The following ADCY8 variants were observed in gnomAD, a reference collection of about 807,000 sequenced individuals.
ADCY8 encodes adenylate cyclase type 8.
In ADCY8, 51 loss-of-function variants were observed where a neutral mutation model predicts 119.7. The ratio of observed to expected loss-of-function variants is 0.43; its 90% CI spans 0.34 to 0.54. ADCY8 has a LOEUF of 0.54. Ranked by LOEUF, ADCY8 falls within the 20% of genes least tolerant of loss-of-function variation. The pLI is 0.03. For synonymous variants in ADCY8, 665 were observed against 651.0 expected, an observed-to-expected ratio of 1.02 and a Z score of -0.33; for missense variants, 1,383 against 1,598.8, an observed-to-expected ratio of 0.87 and a Z score of 2.30.
In ADCY8 at chr8:130,959,285, T is replaced by C. The variant is rs532940117; in HGVS notation, c.1111-7287A>G. ...TACCTTTGATTTAGTAATTACAATGTTGACTTTGCCACCAGAAATGTTCAT... is the reference window on the plus strand; with the variant it reads ...TACCTTTGATTTAGTAATTACAATGCTGACTTTGCCACCAGAAATGTTCAT... On this transcript the variant is annotated intron_variant, in intron 2 of 17. Transcript: ENST00000286355. Among the ~76,000 whole-genome samples, 7 of 152,356 alleles carry C rather than the reference T, an allele frequency of 4.6e-5. No homozygotes were observed. In the East Asian group the frequency reaches 1.2e-3, roughly 25 times the overall value.
At chr8:130,795,376 A>G (rs1279648643) in intron 15 of ADCY8, among the ~76,000 whole-genome samples, 3 of 152,254 alleles carry the variant, frequency 2.0e-5, no homozygotes, top group African/African-American at 7.2e-5. Flanking sequence ...ATTAAGACAC[A>G]CATGAGAGCA....
At chr8:130,992,522 C>T (rs1184222593) in intron 1 of ADCY8, among the ~76,000 whole-genome samples, 20 of 150,560 alleles carry the variant, frequency 1.3e-4, no homozygotes, top group Admixed American at 1.3e-3. Flanking sequence ...TCAAGCAATT[C>T]TCCTGCCTCA....
At chr8:130,824,484 T>C (rs263264) in intron 12 of ADCY8, among the ~76,000 whole-genome samples, 32,221 of 152,144 alleles carry the variant, frequency 0.21, 4,272 homozygotes, top group South Asian at 0.43. Flanking sequence ...TACCTACTTA[T>C]AATTGCTTGC....
At chr8:130,870,018 C>CCTTT (rs1554610130) in intron 8 of ADCY8, among the ~76,000 whole-genome samples, 3 of 115,876 alleles carry the variant, frequency 2.6e-5, no homozygotes, top group Non-Finnish European at 1.8e-5. Context: ...CTTTCTTCTT[C>CCTTT]TTTTTTTTTT....
Position 130,951,717 on chromosome 8 carries a change from C to T in ADCY8, c.1241+151G>A, listed in dbSNP as rs76140553. The T allele has an allele frequency of 3.9e-4, 365 of 926,788 alleles. No individual in the cohort carries two copies. In the African/African-American group the frequency reaches 5.8e-3, roughly 15 times the overall value. The allele number at this position is 926,788 out of a possible 1,614,324, so 57.4% of individuals were successfully genotyped here. A position where few individuals can be genotyped will look rare whatever the true frequency, so the allele number is the denominator to read the frequency against. Reference sequence around the variant, plus strand: ...AGCCTTAATTTGGAAATGTAGAACTCTCTGATGAATAATCACTAGGTAATG... The same window carrying T: ...AGCCTTAATTTGGAAATGTAGAACTTTCTGATGAATAATCACTAGGTAATG... On this transcript the variant is annotated intron_variant, in intron 3 of 17. Transcript: ENST00000286355.
Position 130,867,952 on chromosome 8 carries a change from A to G in ADCY8, c.2110-6T>C, listed in dbSNP as rs1586504877. 12 of 1,596,778 alleles carry G rather than the reference A, an allele frequency of 7.5e-6. No homozygotes were observed. Among genetic ancestry groups the G allele is most frequent in the Non-Finnish European group, 1.0e-5 (12 of 1,167,458 alleles). On this transcript the variant is annotated splice_region_variant and splice_polypyrimidine_tract_variant and intron_variant, in intron 8 of 17. Coordinates refer to ENST00000286355, the MANE Select transcript of ADCY8 (RefSeq NM_001115.3). ...TCATCCCTCATTTGAGAATACTGTA[A>G]TTAAAAAAAGAGAGAATGAGTTACT...
intron 15 of ADCY8, among the ~76,000 whole-genome samples, chr8:130,785,922 C>A (rs1385694428): frequency 6.6e-6 from 1 of 152,216 alleles, no homozygotes; most frequent in Non-Finnish European, 1.5e-5. Flanking sequence ...CAAGCTCAGC[C>A]TGCTTTGGCC....
intron 9 of ADCY8, among the ~76,000 whole-genome samples, chr8:130,854,950 T>C (rs1586486898): frequency 1.4e-5 from 2 of 143,282 alleles, no homozygotes; most frequent in African/African-American, 2.6e-5. Flanking sequence ...TCTTTCTGTG[T>C]CTTTGTCTCT....
chr8:130,870,887 A>C (rs1218233787), intron 8 of ADCY8, among the ~76,000 whole-genome samples: 1 of 152,250 alleles, frequency 6.6e-6, no homozygotes, highest in East Asian at 1.9e-4. Context: ...TTTGAACCTC[A>C]CTTTTCTTAT....
At position 130,878,254 on chromosome 8, in the gene ADCY8, C is replaced by T. The variant is rs72714413; in HGVS notation, c.2109+6310G>A. ...TGGTGAGCGAAATGAGGATTTTATACGTGTGTGTGTGTATCCATTTGAGTG... is the reference window on the plus strand; with the variant it reads ...TGGTGAGCGAAATGAGGATTTTATATGTGTGTGTGTGTATCCATTTGAGTG... On this transcript the variant is annotated intron_variant, in intron 8 of 17. Transcript: ENST00000286355. Among the ~76,000 whole-genome samples the T allele has an allele frequency of 6.7e-3, 1,026 of 152,102 alleles. 5 individuals are homozygous for T. The highest frequency in any genetic ancestry group is 0.01 in the Non-Finnish European group (702 of 67,978).
chr8:130,830,828 C>T lies in ADCY8; in HGVS notation c.2675+5449G>A, dbSNP rs144276943. On this transcript the variant is annotated intron_variant, in intron 12 of 17. Coordinates refer to ENST00000286355, the MANE Select transcript of ADCY8 (RefSeq NM_001115.3). ...CCTCCCTGAATTAAAAACATGCCCA[C>T]TGATGAGTGGAAACAGGTGCCAGAA... Among the ~76,000 whole-genome samples the T allele has an allele frequency of 4.5e-3, 685 of 152,350 alleles. 3 individuals are homozygous for T. The highest frequency in any genetic ancestry group is 7.3e-3 in the Non-Finnish European group (498 of 68,032).
At chr8:130,842,516 A>T (rs570039847) in intron 11 of ADCY8, among the ~76,000 whole-genome samples, 7 of 151,970 alleles carry the variant, frequency 4.6e-5, no homozygotes, top group Admixed American at 4.6e-4. Context: ...TTGCTATGTT[A>T]TCAGTTTCAC....
In ADCY8 at chr8:130,814,146, G is replaced by A. The variant is rs138671740; in HGVS notation, c.2836C>T (p.His946Tyr). 1.7e-5 allele frequency: 27 copies of A among 1,614,004 alleles called. No homozygotes were observed. Among genetic ancestry groups the A allele is most frequent in the Non-Finnish European group, 2.2e-5 (26 of 1,180,044 alleles). ...ATATTCCGGAGCATGTTCTCATTGT[G>A]TTCCCTCAGCTCCTTCATCTCATTG... is the stretch of plus-strand genomic sequence containing the variant. ...EINEMKELRE[H>Y]NENMLRNILP... is the part of the protein sequence containing the mutation. Residue 946 changes from histidine (H) to tyrosine (Y), a missense_variant, in exon 14 of 18, where the codon CAC becomes TAC. By Grantham distance (83) the His-to-Tyr change is moderately conservative (BLOSUM62 2). Around this residue, in one of 2 missense-constraint regions of ADCY8, gnomAD observed 928 missense variants for 1,163.5 expected, o/e 0.80. Coordinates refer to ENST00000286355, the MANE Select transcript of ADCY8 (RefSeq NM_001115.3).
rs952794013 is a variant in ADCY8 at position 130,991,517 on chromosome 8, A to G, written c.961-975T>C. Reference sequence around the variant, plus strand: ...AGTTAAGGATAAAATAACTGAACTGATATTTGAACTGCAGTCCAAAAGACA... The same window carrying G: ...AGTTAAGGATAAAATAACTGAACTGGTATTTGAACTGCAGTCCAAAAGACA... On this transcript the variant is annotated intron_variant, in intron 1 of 17. Coordinates refer to ENST00000286355, the MANE Select transcript of ADCY8 (RefSeq NM_001115.3). Among the ~76,000 whole-genome samples, 4 of 152,230 alleles carry G rather than the reference A, an allele frequency of 2.6e-5. 1 individual carries two copies. Among genetic ancestry groups the G allele is most frequent in the Admixed American group, 2.0e-4 (3 of 15,280 alleles).
chr8:130,783,736 G>A lies in ADCY8; in HGVS notation c.3223C>T (p.Gln1075Ter). 6.2e-7 allele frequency: 1 copy of A among 1,613,862 alleles called. No homozygotes were observed. The highest frequency in any genetic ancestry group is 8.5e-7 in the Non-Finnish European group (1 of 1,179,846). Residue 1075 changes from glutamine to a stop codon, truncating the protein, a stop_gained, in exon 17 of 18, where the codon CAG becomes TAG. Transcript: ENST00000286355. LOFTEE classifies it high-confidence loss of function. Reference sequence around the variant, plus strand: ...TTGAATGAATGCTTGTTGATCTCCTGTATGCTTTCTGTCAGGGCGAGTGAG... The same window carrying A: ...TTGAATGAATGCTTGTTGATCTCCTATATGCTTTCTGTCAGGGCGAGTGAG... ...DFSLALTESI[Q>*]EINKHSFNNF...
intron 11 of ADCY8, among the ~76,000 whole-genome samples, chr8:130,839,721 C>T (rs1188125310): frequency 1.4e-5 from 2 of 139,814 alleles, no homozygotes; most frequent in Non-Finnish European, 3.2e-5. Flanking sequence ...GCCCACAGCT[C>T]CTAAAGTGTC....
intron 8 of ADCY8, among the ~76,000 whole-genome samples, chr8:130,873,832 G>C (rs1248084510): frequency 4.6e-5 from 7 of 151,980 alleles, no homozygotes; most frequent in Non-Finnish European, 1.0e-4. Flanking sequence ...GATAAATTTA[G>C]TTTGATTAAA....
At chr8:130,789,790 T>G (rs1815367166) in intron 15 of ADCY8, among the ~76,000 whole-genome samples, 1 of 152,162 alleles carries the variant, frequency 6.6e-6, no homozygotes, top group South Asian at 2.1e-4. Context: ...GCAGTGATTT[T>G]CAAAGTGTGG....
At chr8:130,782,150 C>A (rs978793464) in intron 17 of ADCY8, among the ~76,000 whole-genome samples, 1 of 151,876 alleles carries the variant, frequency 6.6e-6, no homozygotes, top group Non-Finnish European at 1.5e-5. Flanking sequence ...AATAGCCATG[C>A]AGATATCTCG....
Sources: allele counts gnomAD v4.1 joint callset (sites outside exome capture counted in the v4.1 genomes callset), GRCh38; gene constraint gnomAD v4.1.1; regional missense constraint gnomAD v4.1.1; transcripts MANE v1.5; gene names NCBI Gene and HGNC (gene_info 2026-07-23, HGNC 2026-07-21).